PSD3: variants seen among roughly 807,000 people sequenced by gnomAD.
PSD3 encodes PH and SEC7 domain-containing protein 3.
In PSD3, 49 loss-of-function variants were observed where a neutral mutation model predicts 105.5. That is an observed-to-expected ratio of 0.46 (90% CI 0.37 to 0.59). PSD3 has a LOEUF of 0.59. Among genes scored for constraint, PSD3 ranks in the 20% least tolerant of loss-of-function variants. PSD3 has a pLI of 0.00. For synonymous variants in PSD3, 557 were observed against 457.8 expected, an observed-to-expected ratio of 1.22 and a Z score of -2.77; for missense variants, 1,561 against 1,263.8, an observed-to-expected ratio of 1.24 and a Z score of -3.57.
chr8:18,904,997 G>A (rs1361958385), intron 2 of PSD3, among the ~76,000 whole-genome samples: 1 of 152,076 alleles, frequency 6.6e-6, no homozygotes. Flanking sequence ...CTGTGTATTA[G>A]GTTTTTCTTT....
intron 1 of PSD3, among the ~76,000 whole-genome samples, chr8:19,038,886 G>A (rs1314355603): frequency 6.6e-6 from 1 of 152,172 alleles, no homozygotes; most frequent in Non-Finnish European, 1.5e-5. Context: ...ATGGGTATTA[G>A]TTTTATTCCT....
At chr8:18,627,273 A>ATAAGAAAGGAGTTTAGTGATGCGGAGG (rs1806554150) in intron 11 of PSD3, among the ~76,000 whole-genome samples, 1 of 151,914 alleles carries the variant, frequency 6.6e-6, no homozygotes, top group African/African-American at 2.4e-5. Context: ...TGATGCGGAG[A>ATAAGAAAGGAGTTTAGTGATGCGGAGG]TAAGAAAGGA....
intron 2 of PSD3, among the ~76,000 whole-genome samples, chr8:18,900,774 A>G (rs1819454833): frequency 6.6e-6 from 1 of 151,060 alleles, no homozygotes; most frequent in South Asian, 2.1e-4. Flanking sequence ...CAAGTAGCTG[A>G]GACTACAGGT....
rs574570506 is a variant in PSD3 at position 18,689,240 on chromosome 8, G to A, written c.2173-33555C>T. Among the ~76,000 whole-genome samples, 48 of 152,240 alleles carry A rather than the reference G, an allele frequency of 3.2e-4. No individual in the cohort carries two copies. In the South Asian group the frequency reaches 5.2e-3, roughly 16 times the overall value. ...AACTTTGAGCAGCTCACATTCAGTC[G>A]GGGGTAGGAGGTAGAGAGAACAAGA... is the stretch of plus-strand genomic sequence containing the variant. On this transcript the variant is annotated intron_variant, in intron 9 of 15. Transcript: ENST00000327040.
intron 11 of PSD3, among the ~76,000 whole-genome samples, chr8:18,620,515 G>A: frequency 6.6e-6 from 1 of 151,956 alleles, no homozygotes; most frequent in Middle Eastern, 3.2e-3. Context: ...TTTGAGGCCA[G>A]CCTGGGCAAC....
intron 8 of PSD3, among the ~76,000 whole-genome samples, chr8:18,786,559 T>C (rs1274717735): frequency 1.3e-5 from 2 of 152,198 alleles, no homozygotes; most frequent in African/African-American, 2.4e-5. Context: ...TCACGTGGAC[T>C]TTGAAACAGC....
At chr8:19,046,303 G>C (rs906821098) in intron 1 of PSD3, among the ~76,000 whole-genome samples, 2 of 152,174 alleles carry the variant, frequency 1.3e-5, no homozygotes, top group East Asian at 3.9e-4. Flanking sequence ...GTAGAGACGG[G>C]GTTTCACCAT....
At chr8:18,742,337 T>C (rs1287509922) in intron 9 of PSD3, among the ~76,000 whole-genome samples, 1 of 152,158 alleles carries the variant, frequency 6.6e-6, no homozygotes, top group Non-Finnish European at 1.5e-5. Context: ...GCCTTAAATT[T>C]GCTACGTAAC....
chr8:18,695,995 C>A (rs1371135323), intron 9 of PSD3, among the ~76,000 whole-genome samples: 2 of 152,202 alleles, frequency 1.3e-5, no homozygotes, highest in African/African-American at 4.8e-5. Flanking sequence ...TGCCCAGACA[C>A]CCCTTCAGGA....
chr8:19,053,720 G>A lies in PSD3; in HGVS notation c.324+30486C>T, dbSNP rs539337334. Among the ~76,000 whole-genome samples the A allele has an allele frequency of 6.6e-5, 10 of 151,206 alleles. No individual in the cohort carries two copies. The East Asian group carries it at 9.7e-4, about 15-fold the overall frequency. On this transcript the variant is annotated intron_variant, in intron 1 of 1. Transcript: ENST00000521475. ...GGCAGGAGAATTGCAGTGAGACTTC[G>A]TCTCAAGAAAAAAAAAAAAGTGACA...
intron 4 of PSD3, among the ~76,000 whole-genome samples, chr8:18,825,060 C>T (rs1813067565): frequency 6.6e-6 from 1 of 152,116 alleles, no homozygotes; most frequent in Admixed American, 6.5e-5. Context: ...TCATTTTGTA[C>T]CTAAACAGAA....
chr8:18,919,922 G>A, intron 2 of PSD3, among the ~76,000 whole-genome samples: 1 of 150,336 alleles, frequency 6.7e-6, no homozygotes, highest in African/African-American at 2.5e-5. Context: ...AGTGGGTGCA[G>A]CGCACCAGCA....
At chr8:18,972,192 TC>T (rs1347429323) in intron 1 of PSD3, among the ~76,000 whole-genome samples, 2 of 152,196 alleles carry the variant, frequency 1.3e-5, no homozygotes, top group Non-Finnish European at 2.9e-5. Context: ...AAATAGAGTG[TC>T]CTTCTGTCAA....
At chr8:18,732,407 T>C (rs532390928) in intron 9 of PSD3, among the ~76,000 whole-genome samples, 1 of 152,218 alleles carries the variant, frequency 6.6e-6, no homozygotes, top group Non-Finnish European at 1.5e-5. Flanking sequence ...CTTTAAATCA[T>C]CATCAGTTCA....
chr8:18,967,788 G>A (rs181473445), intron 1 of PSD3, among the ~76,000 whole-genome samples: 1 of 152,294 alleles, frequency 6.6e-6, no homozygotes, highest in East Asian at 1.9e-4. Context: ...CAGAAATGGA[G>A]GCATGTGAAA....
intron 9 of PSD3, among the ~76,000 whole-genome samples, chr8:18,701,132 ATT>A (rs35402329): frequency 7.2e-6 from 1 of 138,056 alleles, no homozygotes. Context: ...AGCCTGGCTG[ATT>A]TTTTTTTTTT....
At chr8:18,704,657 T>C (rs538878483) in intron 9 of PSD3, among the ~76,000 whole-genome samples, 15 of 152,156 alleles carry the variant, frequency 9.9e-5, no homozygotes, top group African/African-American at 2.2e-4. Flanking sequence ...GAGAACCTTA[T>C]TGTGAGTTTC....
chr8:18,687,337 G>A (rs1441407193), intron 9 of PSD3, among the ~76,000 whole-genome samples: 1 of 152,012 alleles, frequency 6.6e-6, no homozygotes, highest in East Asian at 1.9e-4. Context: ...ATGATGATGA[G>A]CACCTGTGGT....
intron 4 of PSD3, among the ~76,000 whole-genome samples, chr8:18,858,266 A>C (rs887475640): frequency 6.6e-5 from 10 of 152,220 alleles, no homozygotes; most frequent in Non-Finnish European, 1.0e-4. Context: ...TATTTTGTCT[A>C]AAAACAACAG....
Sources: allele counts gnomAD v4.1 joint callset (sites outside exome capture counted in the v4.1 genomes callset), GRCh38; gene constraint gnomAD v4.1.1; transcripts MANE v1.5; gene names NCBI Gene and HGNC (gene_info 2026-07-23, HGNC 2026-07-21).